GRID2: variants seen among roughly 807,000 people sequenced by gnomAD.
GRID2 encodes the protein glutamate receptor ionotropic, delta-2.
A neutral mutation model predicts 114.8 loss-of-function variants in GRID2; 33 were observed. The ratio of observed to expected loss-of-function variants is 0.29; its 90% CI spans 0.22 to 0.38. GRID2 has a LOEUF of 0.38. GRID2 is among the 10% of genes least tolerant of loss of function. The probability of loss-of-function intolerance (pLI) is 1.00; values close to 1 mark genes in which losing one functional copy is unlikely to be tolerated. For synonymous variants in GRID2, 505 were observed against 449.9 expected (o/e 1.12, Z -1.55); for missense variants, 1,184 against 1,257.7 (o/e 0.94, Z 0.89).
At chr4:93,227,783 A>G (rs1262423120) in intron 7 of GRID2, among the ~76,000 whole-genome samples, 1 of 152,232 alleles carries the variant, frequency 6.6e-6, no homozygotes, top group African/African-American at 2.4e-5. Flanking sequence ...CAATTCAGCC[A>G]GGGTGTTTGT....
chr4:92,732,525 G>A (rs368621294), intron 2 of GRID2, among the ~76,000 whole-genome samples: 1 of 152,110 alleles, frequency 6.6e-6, no homozygotes, highest in African/African-American at 2.4e-5. Flanking sequence ...ATAGAGTAGG[G>A]CTCTATTGTC....
intron 8 of GRID2, among the ~76,000 whole-genome samples, chr4:93,242,167 T>C (rs1747603952): frequency 6.6e-6 from 1 of 151,822 alleles, no homozygotes; most frequent in Non-Finnish European, 1.5e-5. Flanking sequence ...CTTGGAGAAA[T>C]AGGAGGCAAG....
At chr4:92,699,378 G>T (rs1176991760) in intron 2 of GRID2, among the ~76,000 whole-genome samples, 1 of 152,118 alleles carries the variant, frequency 6.6e-6, no homozygotes, top group Non-Finnish European at 1.5e-5. Context: ...AGGACAGATA[G>T]GCCTATTAGT....
At chr4:93,175,183 T>C (rs1262834766) in intron 4 of GRID2, among the ~76,000 whole-genome samples, 3 of 152,184 alleles carry the variant, frequency 2.0e-5, no homozygotes, top group Non-Finnish European at 4.4e-5. Flanking sequence ...TTGTTTTGTT[T>C]TGTTTCAGAC....
In GRID2 at chr4:93,739,832, G is replaced by A. The variant is rs145403593; in HGVS notation, c.2361-29378G>A. Among the ~76,000 whole-genome samples, 401 of 152,208 alleles carry A rather than the reference G, an allele frequency of 2.6e-3. 4 individuals carry two copies. Among genetic ancestry groups the A allele is most frequent in the African/African-American group, 9.2e-3 (383 of 41,506 alleles). The stretch of plus-strand genomic sequence containing the variant: ...TTCCGGTTGACCTGATTACTTTCCT[G>A]AATTCTAGGCCCTTTATCAATGCTA... On this transcript the variant is annotated intron_variant, in intron 14 of 15. Coordinates refer to ENST00000282020, the MANE Select transcript of GRID2 (RefSeq NM_001510.4).
At chr4:93,506,845 C>A (rs1273170951) in intron 12 of GRID2, among the ~76,000 whole-genome samples, 2 of 152,146 alleles carry the variant, frequency 1.3e-5, no homozygotes, top group Non-Finnish European at 2.9e-5. Flanking sequence ...CTTCCAAAGG[C>A]TTCTGCTGTG....
chr4:92,719,917 G>C (rs889459998), intron 2 of GRID2, among the ~76,000 whole-genome samples: 1 of 152,062 alleles, frequency 6.6e-6, no homozygotes, highest in Non-Finnish European at 1.5e-5. Flanking sequence ...TAGGTGTTCT[G>C]CTTCTTCTCC....
At chr4:92,974,149 G>C (rs1394362287) in intron 2 of GRID2, among the ~76,000 whole-genome samples, 1 of 151,976 alleles carries the variant, frequency 6.6e-6, no homozygotes, top group African/African-American at 2.4e-5. Context: ...ACCATCTCAC[G>C]CCAGTTAGAA....
In GRID2 at chr4:93,110,895, C is replaced by A. The variant is rs747237387; in HGVS notation, c.677C>A (p.Thr226Asn). Residue 226 changes from threonine (T) to asparagine (N), a missense_variant, in exon 4 of 16, where the codon ACT (threonine) becomes AAT (asparagine). This residue lies in a region of GRID2 where 455 missense variants were observed against 429.5 expected (regional missense o/e 1.06). Coordinates refer to ENST00000282020, the MANE Select transcript of GRID2 (RefSeq NM_001510.4). ...GAAGAACTGAATCGCTATCGAGACA[C>A]TCTTAGGCGAGCGATCCTTGTTATG... is the stretch of plus-strand genomic sequence containing the variant. Reference protein sequence around the residue: ...RIEELNRYRDTLRRAILVMNP... With the variant: ...RIEELNRYRDNLRRAILVMNP... 1.2e-6 allele frequency: 2 copies of A among 1,613,046 alleles called. No individual in the cohort carries two copies. Among genetic ancestry groups the A allele is most frequent in the East Asian group, 2.2e-5 (1 of 44,856 alleles).
intron 2 of GRID2, among the ~76,000 whole-genome samples, chr4:92,903,013 C>T (rs1180208872): frequency 6.6e-6 from 1 of 151,762 alleles, no homozygotes; most frequent in African/African-American, 2.4e-5. Context: ...TTTCTTTTTG[C>T]TTAGGATCGC....
At chr4:93,371,772 G>T (rs138483724) in intron 8 of GRID2, among the ~76,000 whole-genome samples, 2,927 of 125,198 alleles carry the variant, frequency 0.023, 46 homozygotes, top group South Asian at 0.04. Flanking sequence ...TTTGGAGATG[G>T]AGTCTTGCTG....
intron 12 of GRID2, among the ~76,000 whole-genome samples, chr4:93,506,906 T>G (rs753314699): frequency 3.9e-5 from 6 of 152,292 alleles, no homozygotes; most frequent in Middle Eastern, 3.4e-3. Context: ...ACACAGCACT[T>G]TGGTGCTGGT....
At position 93,457,170 on chromosome 4, in the gene GRID2, T is replaced by C. The variant is rs13122867; in HGVS notation, c.1858+1196T>C. Reference sequence around the variant, plus strand: ...AGGATTACAATTGTGGGTAGAAAGTTCTGTGGTAGGATAAGCATAGACTGT... The same window carrying C: ...AGGATTACAATTGTGGGTAGAAAGTCCTGTGGTAGGATAAGCATAGACTGT... On this transcript the variant is annotated intron_variant, in intron 11 of 15. Coordinates refer to ENST00000282020, the MANE Select transcript of GRID2 (RefSeq NM_001510.4). 3.4e-3 allele frequency among the ~76,000 whole-genome samples: 521 copies of C among 152,212 alleles called. 1 individual carries two copies. Among genetic ancestry groups the C allele is most frequent in the Non-Finnish European group, 6.4e-3 (435 of 68,014 alleles).
intron 1 of GRID2, among the ~76,000 whole-genome samples, chr4:92,452,116 G>T (rs1579389352): frequency 6.6e-6 from 1 of 152,190 alleles, no homozygotes; most frequent in East Asian, 1.9e-4. Flanking sequence ...GCAGTGTCAT[G>T]GCATACATCA....
At chr4:92,673,714 G>T (rs1284930903) in intron 2 of GRID2, among the ~76,000 whole-genome samples, 1 of 151,936 alleles carries the variant, frequency 6.6e-6, no homozygotes, top group African/African-American at 2.4e-5. Flanking sequence ...GGCTGGCATT[G>T]TTCCTGATAA....
At chr4:93,247,891 G>A (rs922686435) in intron 8 of GRID2, among the ~76,000 whole-genome samples, 2 of 152,046 alleles carry the variant, frequency 1.3e-5, no homozygotes, top group African/African-American at 4.8e-5. Context: ...AACATTCACA[G>A]ACATGAATAT....
intron 1 of GRID2, among the ~76,000 whole-genome samples, chr4:92,495,629 T>A (rs1366769082): frequency 6.6e-6 from 1 of 151,980 alleles, no homozygotes; most frequent in Non-Finnish European, 1.5e-5. Flanking sequence ...GGAGGCTGAA[T>A]GAATAATCAC....
intron 12 of GRID2, among the ~76,000 whole-genome samples, chr4:93,501,383 C>T (rs1430269450): frequency 4.6e-5 from 7 of 151,882 alleles, no homozygotes; most frequent in East Asian, 3.9e-4. Context: ...ATGAAGTGAG[C>T]GAGGGCTGGC....
chr4:92,840,403 T>G (rs984337033), intron 2 of GRID2, among the ~76,000 whole-genome samples: 1 of 152,010 alleles, frequency 6.6e-6, no homozygotes, highest in Non-Finnish European at 1.5e-5. Flanking sequence ...TTCTCTTCCT[T>G]CTTTCTTTTC....
Sources: gnomAD v4.1 joint callset for allele counts (sites outside exome capture counted in the v4.1 genomes callset) on GRCh38, gnomAD v4.1.1 for gene constraint, gnomAD v4.1.1 regional missense constraint, MANE v1.5 for transcripts, NCBI Gene and HGNC (gene_info 2026-07-23, HGNC 2026-07-21) for gene names.